Variants in KLF7 observed in about 807,000 individuals in gnomAD.
The protein encoded by KLF7 is KLF transcription factor 7.
Under a neutral mutation model 27.3 loss-of-function variants are expected in KLF7, and 2 were observed. The ratio of observed to expected loss-of-function variants is 0.07; its 90% CI spans 0.03 to 0.23. The LOEUF is 0.23. Among genes scored for constraint, KLF7 ranks in the 10% least tolerant of loss-of-function variants. The probability of loss-of-function intolerance (pLI) is 1.00; values close to 1 mark genes in which losing one functional copy is unlikely to be tolerated. For synonymous variants in KLF7, 165 were observed against 162.4 expected, an observed-to-expected ratio of 1.02 and a Z score of -0.12; for missense variants, 221 against 394.1, an observed-to-expected ratio of 0.56 and a Z score of 3.72.
chr2:207,141,964 T>A (rs1656290216), intron 1 of KLF7, among the ~76,000 whole-genome samples: 1 of 151,920 alleles, frequency 6.6e-6, no homozygotes, highest in Non-Finnish European at 1.5e-5. Flanking sequence ...CCTGCTCAGC[T>A]CCTCCTGCCC....
chr2:207,108,093 AG>A (rs1362342443), intron 2 of KLF7, among the ~76,000 whole-genome samples: 1 of 152,208 alleles, frequency 6.6e-6, no homozygotes, highest in African/African-American at 2.4e-5. Flanking sequence ...AGGAGTGGGA[AG>A]GATGTATGAA....
chr2:207,136,511 T>C (rs912695414), intron 1 of KLF7, among the ~76,000 whole-genome samples: 1 of 152,234 alleles, frequency 6.6e-6, no homozygotes, highest in African/African-American at 2.4e-5. Flanking sequence ...TTCTTTGACC[T>C]GCCTAGAGAA....
chr2:207,156,360 T>C (rs2078383528), intron 1 of KLF7, among the ~76,000 whole-genome samples: 1 of 152,190 alleles, frequency 6.6e-6, no homozygotes, highest in African/African-American at 2.4e-5. Flanking sequence ...CTCCTCTTAC[T>C]AGAAAGATGG....
intron 3 of KLF7, among the ~76,000 whole-genome samples, chr2:207,082,968 C>T (rs544680139): frequency 6.6e-5 from 10 of 152,122 alleles, no homozygotes; most frequent in Admixed American, 5.2e-4. Context: ...AAGAGTAAAA[C>T]GAAAACCACA....
At chr2:207,098,998 C>T (rs535833262) in intron 2 of KLF7, among the ~76,000 whole-genome samples, 45 of 152,096 alleles carry the variant, frequency 3.0e-4, no homozygotes, top group African/African-American at 2.4e-4. Flanking sequence ...CCAAACAACA[C>T]GTTCCAAGCA....
upstream of KLF7, chr2:207,166,824 G>T (rs2078726744): frequency 3.9e-6 from 4 of 1,018,884 alleles, no homozygotes; most frequent in South Asian, 1.8e-4. Flanking sequence ...AGGGTGCAGA[G>T]AAGAAGCGCC....
At chr2:207,113,978 G>C (rs920445122) in intron 2 of KLF7, among the ~76,000 whole-genome samples, 1 of 151,836 alleles carries the variant, frequency 6.6e-6, no homozygotes. Context: ...CAACAACAAA[G>C]AATGAAAAAA....
chr2:207,119,123 A>C (rs2077268165), intron 2 of KLF7, among the ~76,000 whole-genome samples: 1 of 152,258 alleles, frequency 6.6e-6, no homozygotes, highest in Non-Finnish European at 1.5e-5. Flanking sequence ...AGGTGACAGC[A>C]ACTTCAGTCT....
At chr2:207,093,887 A>G (rs562835946) in intron 2 of KLF7, among the ~76,000 whole-genome samples, 29 of 152,326 alleles carry the variant, frequency 1.9e-4, no homozygotes, top group African/African-American at 6.5e-4. Flanking sequence ...TTTGACAAGG[A>G]CTAAAATGTG....
rs952502146 is a variant in KLF7 at position 207,113,613 on chromosome 2, G to T, written c.733+10161C>A. On this transcript the variant is annotated intron_variant, in intron 2 of 3. Coordinates refer to ENST00000309446, the MANE Select transcript of KLF7 (RefSeq NM_003709.4). ...TACAAAGTGGAATGGGGGGTGGGGGGGGGGGGGAAATGATGCAGTTACCTA... is the reference window on the plus strand; with the variant it reads ...TACAAAGTGGAATGGGGGGTGGGGGTGGGGGGGAAATGATGCAGTTACCTA... Among the ~76,000 whole-genome samples the T allele has an allele frequency of 1.8e-4, 24 of 130,526 alleles. 1 individual carries two copies. The highest frequency in any genetic ancestry group is 6.1e-4 in the Admixed American group (8 of 13,166). 85.6% of individuals were successfully genotyped at this position (130,526 alleles called of 152,430 possible).
intron 1 of KLF7, among the ~76,000 whole-genome samples, chr2:207,151,968 CT>C (rs1334050352): frequency 1.3e-5 from 2 of 152,034 alleles, no homozygotes; most frequent in African/African-American, 2.4e-5. Flanking sequence ...AAAGAAAACA[CT>C]TTTTAAAAAC....
At chr2:207,170,075 C>A (rs1236543077), upstream of KLF7, among the ~76,000 whole-genome samples, 3 of 151,532 alleles carry the variant, frequency 2.0e-5, no homozygotes, top group Non-Finnish European at 4.4e-5. Flanking sequence ...AAAAGCTAGG[C>A]CTTTACACCA....
At chr2:207,143,966 A>G (rs754147816) in intron 1 of KLF7, among the ~76,000 whole-genome samples, 7 of 152,132 alleles carry the variant, frequency 4.6e-5, no homozygotes, top group Admixed American at 6.5e-5. Flanking sequence ...CTGCAATATC[A>G]TAAGAGAGGG....
At chr2:207,137,218 C>G (rs2077814151) in intron 1 of KLF7, among the ~76,000 whole-genome samples, 1 of 152,186 alleles carries the variant, frequency 6.6e-6, no homozygotes, top group Admixed American at 6.5e-5. Context: ...CTCCAGCCAC[C>G]AGTCTCTGAA....
rs1010659990 is a variant in KLF7, at chr2:207,142,805, G to A, written c.103-18401C>T. On this transcript the variant is annotated intron_variant, in intron 1 of 3. Coordinates refer to ENST00000309446, the MANE Select transcript of KLF7 (RefSeq NM_003709.4). ...TTCTGATGAATGGGGTACACATTAC[G>A]GAGGAGCAAGAAATGCATGCCCTCG... 3.9e-5 allele frequency among the ~76,000 whole-genome samples: 6 copies of A among 152,228 alleles called. No homozygotes were observed. In the East Asian group the frequency reaches 7.7e-4, roughly 20 times the overall value.
chr2:207,164,951 T>C (rs1016880241), intron 1 of KLF7, among the ~76,000 whole-genome samples: 3 of 152,116 alleles, frequency 2.0e-5, no homozygotes, highest in East Asian at 1.9e-4. Context: ...TATTCTTTAT[T>C]GACACTCGCT....
chr2:207,149,942 T>A (rs185396798), intron 1 of KLF7, among the ~76,000 whole-genome samples: 1 of 151,550 alleles, frequency 6.6e-6, no homozygotes, highest in East Asian at 1.9e-4. Flanking sequence ...TCCAGGTAAG[T>A]CCCCGTCTTC....
At position 207,139,445 on chromosome 2, in the gene KLF7, A is replaced by T. The variant is rs753361225; in HGVS notation, c.103-15041T>A. Among the ~76,000 whole-genome samples the T allele has an allele frequency of 1.2e-4, 18 of 152,296 alleles. 1 individual carries two copies. In the Middle Eastern group the frequency reaches 0.01, roughly 86 times the overall value. ...ACTGTTCTGTAACCATACTACCAAA[A>T]AGACCAGAAACAGAACGAAAAGTTT... is the stretch of plus-strand genomic sequence containing the variant. On this transcript the variant is annotated intron_variant, in intron 1 of 3. Coordinates refer to ENST00000309446, the MANE Select transcript of KLF7 (RefSeq NM_003709.4).
rs183936570 is a variant in KLF7 at position 207,131,251 on chromosome 2, A to G, written c.103-6847T>C. On this transcript the variant is annotated intron_variant, in intron 1 of 3. Coordinates refer to ENST00000309446, the MANE Select transcript of KLF7 (RefSeq NM_003709.4). ...TCCCAGAAAGAATGTTCACCTAAGTAATTGCACAAGCAGGTAAACTGCACT... is the reference window on the plus strand; with the variant it reads ...TCCCAGAAAGAATGTTCACCTAAGTGATTGCACAAGCAGGTAAACTGCACT... 7.9e-4 allele frequency among the ~76,000 whole-genome samples: 120 copies of G among 152,336 alleles called. 1 individual carries two copies. The highest frequency in any genetic ancestry group is 3.4e-3 in the Middle Eastern group (1 of 294).
Sources: allele counts gnomAD v4.1 joint callset (sites outside exome capture counted in the v4.1 genomes callset), GRCh38; gene constraint gnomAD v4.1.1; transcripts MANE v1.5; gene names NCBI Gene and HGNC (gene_info 2026-07-23, HGNC 2026-07-21).